The following AMPH variants were observed in gnomAD, a reference collection of about 807,000 sequenced individuals.
The protein encoded by AMPH is amphiphysin (Stiff-Mann syndrome with breast cancer 128kD autoantigen).
A neutral mutation model predicts 99.1 loss-of-function variants in AMPH; 49 were observed. The observed-to-expected ratio is 0.49, with a 90% CI of 0.39 to 0.63. The LOEUF (loss-of-function observed/expected upper bound fraction) is 0.63, where lower values mean the gene tolerates loss of function less well. AMPH is among the 20% of genes least tolerant of loss of function. The pLI, the probability that AMPH is intolerant of heterozygous loss-of-function variation, is 0.00. For synonymous variants in AMPH, 314 were observed against 317.3 expected (o/e 0.99, Z 0.11); for missense variants, 759 against 863.4 (o/e 0.88, Z 1.52).
intron 7 of AMPH, among the ~76,000 whole-genome samples, chr7:38,471,596 A>C (rs1042666553): frequency 2.0e-5 from 3 of 152,178 alleles, no homozygotes; most frequent in African/African-American, 7.2e-5. Flanking sequence ...CGAAGCAATT[A>C]CCAAAATAGT....
At chr7:38,466,350 T>C (rs1190675920) in intron 7 of AMPH, 102 bp from the exon 8 acceptor site, 3 of 911,424 alleles carry the variant, frequency 3.3e-6, no homozygotes, top group South Asian at 1.6e-5. Context: ...AGGTTTCTTT[T>C]ACACCATTTT....
chr7:38,476,137 G>A (rs1228272365), intron 6 of AMPH, among the ~76,000 whole-genome samples: 1 of 152,206 alleles, frequency 6.6e-6, no homozygotes, highest in Non-Finnish European at 1.5e-5. Flanking sequence ...CTCATGGTAT[G>A]TTTATGGAAG....
chr7:38,418,720 C>A (rs959002111), intron 16 of AMPH, among the ~76,000 whole-genome samples: 4 of 152,138 alleles, frequency 2.6e-5, no homozygotes, highest in African/African-American at 9.7e-5. Context: ...GTTTAAAGAA[C>A]CACAGGGCAG....
chr7:38,572,058 A>C (rs985190893), intron 1 of AMPH, among the ~76,000 whole-genome samples: 1 of 151,918 alleles, frequency 6.6e-6, no homozygotes, highest in Non-Finnish European at 1.5e-5. Flanking sequence ...GGCATGTGCC[A>C]CCATGCCTGG....
chr7:38,420,634 G>A (rs1332227010), intron 16 of AMPH, among the ~76,000 whole-genome samples: 1 of 152,176 alleles, frequency 6.6e-6, no homozygotes, highest in Non-Finnish European at 1.5e-5. Context: ...GGTATCCTTT[G>A]TGATAAGATG....
intron 1 of AMPH, among the ~76,000 whole-genome samples, chr7:38,625,705 T>C (rs556735634): frequency 3.4e-4 from 51 of 152,216 alleles, no homozygotes; most frequent in African/African-American, 1.1e-3. Flanking sequence ...AATAAGTACA[T>C]GTAAAGGTGC....
rs758210193 is a variant in AMPH, at chr7:38,436,373, C to A, written c.1033G>T (p.Val345Leu). ...TCCAGCAAAGTCTCCTCTTTCTTCA[C>A]CTCAGGGACTTCATTCTGTTAAAGC... ...TTPSQNEVPE[V>L]KKEETLLDLD... Residue 345 changes from valine to leucine, a missense_variant, in exon 12 of 21, where the codon GTG becomes TTG. Val to Leu is a conservative substitution (Grantham distance 32, BLOSUM62 1). Around this residue, in one of 2 missense-constraint regions of AMPH, gnomAD observed 554 missense variants for 575.6 expected, o/e 0.96. Transcript: ENST00000356264. 1.2e-6 allele frequency: 2 copies of A among 1,613,872 alleles called. No individual in the cohort carries two copies. Among genetic ancestry groups the A allele is most frequent in the African/African-American group, 2.7e-5 (2 of 74,902 alleles).
chr7:38,475,588 A>G (rs1381962665), intron 6 of AMPH, among the ~76,000 whole-genome samples, 172 bp from the exon 7 acceptor site: 1 of 152,146 alleles, frequency 6.6e-6, no homozygotes, highest in Non-Finnish European at 1.5e-5. Context: ...AAACACTAAG[A>G]CTCCCTAAAA....
intron 1 of AMPH, among the ~76,000 whole-genome samples, chr7:38,587,771 CATA>C (rs1792708185): frequency 6.6e-6 from 1 of 152,158 alleles, no homozygotes; most frequent in Admixed American, 6.5e-5. Context: ...AGAAAACTGT[CATA>C]ATAATTGTGC....
chr7:38,577,672 AAAG>A (rs768704815), intron 1 of AMPH, among the ~76,000 whole-genome samples: 4 of 151,956 alleles, frequency 2.6e-5, no homozygotes, highest in Admixed American at 6.6e-5. Context: ...GGAAGGAAAG[AAAG>A]AAAAAAAGAG....
In AMPH at chr7:38,391,935, T is replaced by A; in HGVS notation, c.1691A>T (p.Glu564Val). ...EGENEITIGAEPKETTEDAAP... is the reference protein window; with the variant it reads ...EGENEITIGAVPKETTEDAAP... ...CGCGTCCTCGGTGGTCTCCTTGGGCTCTGCACCTATAGTTATTTCGTTTTC... is the reference window on the plus strand; with the variant it reads ...CGCGTCCTCGGTGGTCTCCTTGGGCACTGCACCTATAGTTATTTCGTTTTC... Residue 564 changes from glutamate to valine, a missense_variant, in exon 19 of 21, where the codon GAG (glutamate) becomes GTG (valine). Glu to Val is a moderately radical substitution (Grantham distance 121, BLOSUM62 -2). Coordinates refer to ENST00000356264, the MANE Select transcript of AMPH (RefSeq NM_001635.4). 1 of 1,612,714 alleles carries A rather than the reference T, an allele frequency of 6.2e-7. No homozygotes were observed. Among genetic ancestry groups the A allele is most frequent in the Non-Finnish European group, 8.5e-7 (1 of 1,180,006 alleles).
intron 2 of AMPH, among the ~76,000 whole-genome samples, chr7:38,509,755 T>C (rs1789468406): frequency 6.6e-6 from 1 of 152,178 alleles, no homozygotes; most frequent in Admixed American, 6.5e-5. Context: ...CAGTATTTAA[T>C]ATACTGGTAG....
At chr7:38,468,669 C>A (rs1787759437) in intron 7 of AMPH, among the ~76,000 whole-genome samples, 1 of 152,110 alleles carries the variant, frequency 6.6e-6, no homozygotes, top group East Asian at 1.9e-4. Flanking sequence ...AGAGATCCTG[C>A]AAAGAGGGGA....
At chr7:38,428,733 C>A (rs1046956710) in intron 14 of AMPH, 10 of 456,886 alleles carry the variant, frequency 2.2e-5, no homozygotes, top group African/African-American at 4.0e-5. Flanking sequence ...TTCTATCATT[C>A]CACAATTATT....
intron 15 of AMPH, among the ~76,000 whole-genome samples, chr7:38,425,918 T>C (rs1405362764): frequency 6.6e-6 from 1 of 152,162 alleles, no homozygotes; most frequent in Non-Finnish European, 1.5e-5. Flanking sequence ...CTGATGGAAA[T>C]ACAAACCTGA....
Position 38,622,155 on chromosome 7 carries a change from A to G in AMPH, c.69+9128T>C, listed in dbSNP as rs547020315. On this transcript the variant is annotated intron_variant, in intron 1 of 20. Transcript: ENST00000356264. ...GAAAAATTATATCTGCAACACAAGGAATCTTTACATCTTTTGTCCCTTTTA... is the reference window on the plus strand; with the variant it reads ...GAAAAATTATATCTGCAACACAAGGGATCTTTACATCTTTTGTCCCTTTTA... Among the ~76,000 whole-genome samples the G allele has an allele frequency of 2.0e-5, 3 of 152,312 alleles. No homozygotes were observed. The South Asian group carries it at 6.2e-4, about 32-fold the overall frequency.
rs762370790 is a variant in AMPH at position 38,491,156 on chromosome 7, T to C, written c.301-11A>G. 1.3e-6 allele frequency: 2 copies of C among 1,578,986 alleles called. No homozygotes were observed. The highest frequency in any genetic ancestry group is 2.2e-5 in the South Asian group (2 of 89,694). ...CAGCACATCACATTTCTAAAAGAAA[T>C]AAAGAGACCACTGCTGAATTATTTT... On this transcript the variant is annotated splice_polypyrimidine_tract_variant and intron_variant, in intron 4 of 20. Coordinates refer to ENST00000356264, the MANE Select transcript of AMPH (RefSeq NM_001635.4).
intron 2 of AMPH, among the ~76,000 whole-genome samples, chr7:38,525,305 G>GAA (rs1476070274): frequency 7.1e-6 from 1 of 140,954 alleles, no homozygotes; most frequent in Non-Finnish European, 1.6e-5. Flanking sequence ...GAGAGAGAGA[G>GAA]AGAGAGAGGG....
chr7:38,429,752 T>C, intron 14 of AMPH, 90 bp downstream of exon 14: 1 of 1,427,658 alleles, frequency 7.0e-7, no homozygotes, highest in Non-Finnish European at 9.7e-7. Context: ...AGCAATGCCA[T>C]GGGGAAACAG....
Sources: gnomAD v4.1 joint callset for allele counts (sites outside exome capture counted in the v4.1 genomes callset) on GRCh38, gnomAD v4.1.1 for gene constraint, gnomAD v4.1.1 regional missense constraint, MANE v1.5 for transcripts, NCBI Gene and HGNC (gene_info 2026-07-23, HGNC 2026-07-21) for gene names.